PLAUR: variants seen among roughly 807,000 people sequenced by gnomAD.
PLAUR encodes plasminogen activator, urokinase receptor, also known as urokinase plasminogen activator surface receptor.
PLAUR carries 22 observed loss-of-function variants against 33.4 expected under a neutral mutation model. That is an observed-to-expected ratio of 0.66 (90% CI 0.47 to 0.94). The LOEUF (loss-of-function observed/expected upper bound fraction) is 0.94. Ranked by LOEUF, PLAUR falls within the 40% of genes least tolerant of loss-of-function variation. The probability of loss-of-function intolerance (pLI) is 0.00; values close to 1 mark genes in which losing one functional copy is unlikely to be tolerated. For missense variants in PLAUR, 408 were observed against 434.7 expected (o/e 0.94, Z 0.55); for synonymous variants, 148 against 167.3 (o/e 0.88, Z 0.89).
At chr19:43,662,678 C>A (rs1338128674) in intron 3 of PLAUR, among the ~76,000 whole-genome samples, 1 of 151,578 alleles carries the variant, frequency 6.6e-6, no homozygotes, top group African/African-American at 2.4e-5. Flanking sequence ...TTTTGGCCAC[C>A]TTTGTATCTG....
downstream of PLAUR, among the ~76,000 whole-genome samples, chr19:43,647,080 G>A (rs113668131): frequency 9.9e-3 from 1,508 of 152,128 alleles, 17 homozygotes; most frequent in African/African-American, 0.034. Flanking sequence ...ACAGCCAGCC[G>A]AAGATATCTT....
At chr19:43,661,400 CT>C (rs55690043) in intron 3 of PLAUR, 16,367 of 149,274 alleles carry the variant, frequency 0.11, 867 homozygotes, top group East Asian at 0.23. Context: ...TTTCTTTTTT[CT>C]TTTTTTTTTT....
At chr19:43,649,546 CAAAT>C (rs941666703) in intron 6 of PLAUR, among the ~76,000 whole-genome samples, 2 of 42,848 alleles carry the variant, frequency 4.7e-5, no homozygotes, top group Non-Finnish European at 8.4e-5. Flanking sequence ...TTTCAAAAAA[CAAAT>C]AAAAAGAAAG....
chr19:43,656,254 C>T, intron 4 of PLAUR, among the ~76,000 whole-genome samples: 1 of 148,336 alleles, frequency 6.7e-6, no homozygotes, highest in Middle Eastern at 3.5e-3. Flanking sequence ...GACTCTGTCT[C>T]AAAAAATAAA....
intron 2 of PLAUR, among the ~76,000 whole-genome samples, chr19:43,667,035 C>A (rs1190750182): frequency 1.3e-5 from 2 of 152,046 alleles, no homozygotes; most frequent in Non-Finnish European, 2.9e-5. Flanking sequence ...TGCCACCACA[C>A]TCGGCTAATT....
At chr19:43,669,602 A>G (rs956005854) in intron 1 of PLAUR, among the ~76,000 whole-genome samples, 4 of 151,784 alleles carry the variant, frequency 2.6e-5, no homozygotes, top group African/African-American at 9.7e-5. Flanking sequence ...ATCTGAGGTC[A>G]GGAGATTGAG....
At position 43,664,360 on chromosome 19, in the gene PLAUR, C is replaced by T. The variant is rs1967135680; in HGVS notation, c.310+956G>A. Reference sequence around the variant, plus strand: ...CCTCACCAGGTCCAGAAAGAGGAATCTCTTTCACGGATGGATCCATGCACC... The same window carrying T: ...CCTCACCAGGTCCAGAAAGAGGAATTTCTTTCACGGATGGATCCATGCACC... On this transcript the variant is annotated intron_variant, in intron 3 of 6. Transcript: ENST00000340093. Among the ~76,000 whole-genome samples the T allele has an allele frequency of 1.3e-5, 2 of 152,236 alleles. 1 individual carries two copies. Among genetic ancestry groups the T allele is most frequent in the South Asian group, 4.1e-4 (2 of 4,836 alleles).
At chr19:43,651,095 T>G (rs1405481200) in intron 6 of PLAUR, among the ~76,000 whole-genome samples, 2 of 152,132 alleles carry the variant, frequency 1.3e-5, no homozygotes, top group African/African-American at 2.4e-5. Context: ...TTTTATTTTT[T>G]GGGACGGAGT....
chr19:43,664,199 T>C (rs751660738), intron 3 of PLAUR, among the ~76,000 whole-genome samples: 14 of 151,166 alleles, frequency 9.3e-5, no homozygotes, highest in Non-Finnish European at 1.5e-4. Flanking sequence ...ACCAGCGGAT[T>C]AGTGTTTGAG....
intron 6 of PLAUR, among the ~76,000 whole-genome samples, chr19:43,650,033 A>G (rs1973930782): frequency 7.0e-6 from 1 of 142,710 alleles, no homozygotes; most frequent in Admixed American, 7.1e-5. Context: ...TTTTTTTGAG[A>G]TGGAGTCTCA....
At chr19:43,650,035 G>A (rs1482263566) in intron 6 of PLAUR, among the ~76,000 whole-genome samples, 3 of 144,720 alleles carry the variant, frequency 2.1e-5, no homozygotes, top group African/African-American at 5.1e-5. Context: ...TTTTTGAGAT[G>A]GAGTCTCACT....
chr19:43,664,507 T>C (rs1297981204), intron 3 of PLAUR, among the ~76,000 whole-genome samples: 2 of 152,220 alleles, frequency 1.3e-5, no homozygotes, highest in Non-Finnish European at 2.9e-5. Context: ...AAGGGGCTTA[T>C]GGTTGTTGCC....
At chr19:43,649,400 A>T (rs1331968305) in intron 6 of PLAUR, among the ~76,000 whole-genome samples, 7 of 151,880 alleles carry the variant, frequency 4.6e-5, no homozygotes, top group Non-Finnish European at 1.5e-5. Context: ...ACAAACATAA[A>T]AAAGAAAAAA....
At chr19:43,667,369 C>A in intron 2 of PLAUR, 1 of 584,888 alleles carries the variant, frequency 1.7e-6, no homozygotes, top group Non-Finnish European at 3.1e-6. Flanking sequence ...CCAATTTACT[C>A]CCCCACCACA....
Position 43,655,499 on chromosome 19 carries a change from T to C in PLAUR, c.547A>G (p.Asn183Asp). The change falls in exon 5 of 7, where the codon AAC (asparagine) becomes GAC (aspartate). Residue 183 changes from asparagine to aspartate, a missense_variant. Transcript: ENST00000340093. ...PGCPGSNGFHNNDTFHFLKCC... is the reference protein window; with the variant it reads ...PGCPGSNGFHDNDTFHFLKCC... ...TTCAGGAAGTGGAAGGTGTCGTTGT[T>C]GTGGAAACCATTGGAGCCCGGGCAG... The C allele has an allele frequency of 6.2e-7, 1 of 1,614,194 alleles. No individual in the cohort carries two copies. The highest frequency in any genetic ancestry group is 1.1e-5 in the South Asian group (1 of 91,082).
chr19:43,660,159 G>A (rs1173223991), intron 3 of PLAUR, among the ~76,000 whole-genome samples: 1 of 104,030 alleles, frequency 9.6e-6, no homozygotes, highest in African/African-American at 4.4e-5. Flanking sequence ...CTTGCGTTTT[G>A]TTTTGTTTTG....
downstream of PLAUR, among the ~76,000 whole-genome samples, chr19:43,647,085 T>G (rs547020716): frequency 2.6e-5 from 4 of 152,132 alleles, no homozygotes; most frequent in African/African-American, 9.7e-5. Flanking sequence ...CAGCCGAAGA[T>G]ATCTTATTTT....
In PLAUR at chr19:43,649,139, C is replaced by T. The variant is rs775178675; in HGVS notation, c.759G>A (p.Pro253=). Residue 253 remains proline, a synonymous_variant, in exon 7 of 7, where the codon CCG becomes CCA. Coordinates refer to ENST00000340093, the MANE Select transcript of PLAUR (RefSeq NM_002659.4). ...CTCTTACCATATAGCTTTGGTTTTT[C>T]GGTTCTGAGGAAAGAGAAGACGGAG... ...QCLVATGTHE[P]KNQSYMVRGC... The T allele has an allele frequency of 6.9e-6, 11 of 1,605,278 alleles. No individual in the cohort carries two copies. The highest frequency in any genetic ancestry group is 1.7e-5 in the Admixed American group (1 of 59,884).
In PLAUR at chr19:43,655,587, G is replaced by A. The variant is rs769944422; in HGVS notation, c.473-14C>T. 11 of 1,611,052 alleles carry A rather than the reference G, an allele frequency of 6.8e-6. No homozygotes were observed. Among genetic ancestry groups the A allele is most frequent in the Non-Finnish European group, 8.5e-6 (10 of 1,178,744 alleles). On this transcript the variant is annotated splice_polypyrimidine_tract_variant and intron_variant, in intron 4 of 6. Coordinates refer to ENST00000340093, the MANE Select transcript of PLAUR (RefSeq NM_002659.4). ...CCTTTGGACGCCCTATGGGGGCCAG[G>A]GGACAGAGGTCAGATGTCAGATTGT...
Sources: allele counts gnomAD v4.1 joint callset (sites outside exome capture counted in the v4.1 genomes callset), GRCh38; gene constraint gnomAD v4.1.1; transcripts MANE v1.5; gene names NCBI Gene and HGNC (gene_info 2026-07-23, HGNC 2026-07-21).